Variants in CASP5 observed in about 807,000 individuals in gnomAD.
CASP5 encodes the protein caspase-5.
CASP5 carries 42 observed loss-of-function variants against 45.2 expected under a neutral mutation model. The observed-to-expected ratio is 0.93, with a 90% CI of 0.73 to 1.20. The LOEUF (loss-of-function observed/expected upper bound fraction) is 1.20. Among genes scored for constraint, CASP5 ranks in the 50% most tolerant of loss-of-function variants. The pLI is 0.00. For synonymous variants in CASP5, 209 were observed against 186.2 expected (o/e 1.12, Z -1.00); for missense variants, 512 against 532.2 (o/e 0.96, Z 0.37).
At chr11:104,994,384 T>C (rs1307082135) in intron 9 of CASP5, 37 bp from the exon 10 acceptor site, 4 of 152,242 alleles carry the variant, frequency 2.6e-5, no homozygotes, top group Non-Finnish European at 5.9e-5. Flanking sequence ...TCAAGATGGT[T>C]ACCCCTCACT....
chr11:104,997,283 C>T, intron 8 of CASP5, 100 bp downstream of exon 8: 1 of 857,936 alleles, frequency 1.2e-6, no homozygotes, highest in South Asian at 1.4e-5. Flanking sequence ...ACTACTTTTG[C>T]TTGCCTGAAA....
At chr11:105,012,403 G>A (rs1862393059) in intron 1 of CASP5, among the ~76,000 whole-genome samples, 1 of 151,558 alleles carries the variant, frequency 6.6e-6, no homozygotes, top group Non-Finnish European at 1.5e-5. Flanking sequence ...TAAAAATATG[G>A]GAAAAGAAAG....
At chr11:105,009,720 C>CATATATATATAT (rs199695891) in intron 1 of CASP5, among the ~76,000 whole-genome samples, 3 of 64,080 alleles carry the variant, frequency 4.7e-5, no homozygotes, top group East Asian at 4.1e-4. Context: ...TATATACACA[C>CATATATATATAT]ATATATATAT....
In CASP5 at chr11:104,996,456, T is replaced by C. The variant is rs528766426; in HGVS notation, c.1207-614A>G. Among the ~76,000 whole-genome samples, 4 of 152,340 alleles carry C rather than the reference T, an allele frequency of 2.6e-5. No homozygotes were observed. In the East Asian group the frequency reaches 7.7e-4, roughly 29 times the overall value. On this transcript the variant is annotated intron_variant, in intron 8 of 9. Coordinates refer to ENST00000260315, the MANE Select transcript of CASP5 (RefSeq NM_004347.5). ...TTCACAGAAACCCCATCTCAATTTA[T>C]GGTACAATCTTCTTTAAACACCAGT...
chr11:105,019,016 C>G (rs183940828), intron 1 of CASP5, among the ~76,000 whole-genome samples: 2 of 146,668 alleles, frequency 1.4e-5, no homozygotes, highest in Non-Finnish European at 3.0e-5. Context: ...CAAAACCACT[C>G]AACTACATGG....
chr11:105,018,161 C>A (rs372097846), intron 1 of CASP5, among the ~76,000 whole-genome samples: 1 of 151,646 alleles, frequency 6.6e-6, no homozygotes, highest in South Asian at 2.1e-4. Context: ...AGGAAGCACT[C>A]AACATGGAAA....
intron 4 of CASP5, 32 bp from the exon 5 acceptor site, chr11:105,002,233 T>A (rs756165224): frequency 6.2e-7 from 1 of 1,607,806 alleles, no homozygotes; most frequent in South Asian, 1.1e-5. Flanking sequence ...CAACTTTGAT[T>A]ACCCGAGTCT....
chr11:105,018,091 C>T (rs1862730958), intron 1 of CASP5, among the ~76,000 whole-genome samples: 1 of 151,540 alleles, frequency 6.6e-6, no homozygotes, highest in Non-Finnish European at 1.5e-5. Context: ...AAATACTTTA[C>T]AGACAAGCAA....
intron 9 of CASP5, 76 bp downstream of exon 9, chr11:104,995,657 AGTCAGCT>A: frequency 1.2e-6 from 1 of 804,608 alleles, no homozygotes; most frequent in Non-Finnish European, 2.1e-6. Context: ...CCATATAAGC[AGTCAGCT>A]GTCATTGGTC....
intron 1 of CASP5, among the ~76,000 whole-genome samples, chr11:105,015,407 T>G (rs925141944): frequency 2.6e-5 from 4 of 152,200 alleles, no homozygotes; most frequent in Non-Finnish European, 5.9e-5. Context: ...GAATTGAAGA[T>G]GCAGTGATAA....
At position 104,995,846 on chromosome 11, in the gene CASP5, A is replaced by C; in HGVS notation, c.1207-4T>G. On this transcript the variant is annotated splice_region_variant and splice_polypyrimidine_tract_variant and intron_variant, in intron 8 of 9. Transcript: ENST00000260315. Reference sequence around the variant, plus strand: ...GAACTTCAAATGATTTCTGTACCTAAAAGAAAAAACAGTAGATGAGATATG... The same window carrying C: ...GAACTTCAAATGATTTCTGTACCTACAAGAAAAAACAGTAGATGAGATATG... The C allele has an allele frequency of 6.3e-7, 1 of 1,599,524 alleles. No homozygotes were observed. The highest frequency in any genetic ancestry group is 8.6e-7 in the Non-Finnish European group (1 of 1,167,478).
intron 1 of CASP5, among the ~76,000 whole-genome samples, chr11:105,013,570 C>G (rs1862453119): frequency 6.6e-6 from 1 of 151,882 alleles, no homozygotes. Flanking sequence ...AAAAACAATT[C>G]AAGACATTTG....
At chr11:104,999,418 A>C (rs751238801) in intron 6 of CASP5, among the ~76,000 whole-genome samples, 1 of 152,184 alleles carries the variant, frequency 6.6e-6, no homozygotes, top group Non-Finnish European at 1.5e-5. Flanking sequence ...ATTCCATGGG[A>C]TATGTGTACC....
intron 2 of CASP5, 84 bp downstream of exon 2, chr11:105,008,723 G>A (rs774406316): frequency 3.3e-5 from 30 of 911,982 alleles, no homozygotes; most frequent in Admixed American, 1.5e-4. Context: ...AGGATAGGGG[G>A]ATCACAGAAG....
rs190010860 is a variant in CASP5, at chr11:105,020,718, A to T, written c.7+2412T>A. Among the ~76,000 whole-genome samples the T allele has an allele frequency of 4.7e-3, 709 of 152,300 alleles. 3 individuals carry two copies. The highest frequency in any genetic ancestry group is 7.5e-3 in the Non-Finnish European group (509 of 68,044). On this transcript the variant is annotated intron_variant, in intron 1 of 9. Coordinates refer to ENST00000260315, the MANE Select transcript of CASP5 (RefSeq NM_004347.5). Reference sequence around the variant, plus strand: ...GGGTAGGAAGAATCAATATCGTGAAAAATGGCCATACTGCCCAAGATAATT... The same window carrying T: ...GGGTAGGAAGAATCAATATCGTGAATAATGGCCATACTGCCCAAGATAATT...
At chr11:105,004,099 A>C (rs9651714) in intron 3 of CASP5, among the ~76,000 whole-genome samples, 19,016 of 152,122 alleles carry the variant, frequency 0.13, 1,249 homozygotes, top group African/African-American at 0.16. Context: ...ATTAATAATT[A>C]TTCTAGAAGA....
rs1350993690 is a variant in CASP5, at chr11:105,000,286, G to A, written c.927C>T (p.Val309=). The A allele has an allele frequency of 1.2e-6, 2 of 1,614,200 alleles. No homozygotes were observed. Among genetic ancestry groups the A allele is most frequent in the Non-Finnish European group, 8.5e-7 (1 of 1,180,028 alleles). ...NCLSLKDKPK[V]IIVQACRGEK... ...CACCTCTGCAGGCCTGGACAATGAT[G>A]ACCTTGGGTTTGTCCTTTAGACTGA... Residue 309 remains valine (V), a synonymous_variant, in exon 6 of 10, where the codon GTC becomes GTT. Coordinates refer to ENST00000260315, the MANE Select transcript of CASP5 (RefSeq NM_004347.5).
intron 1 of CASP5, among the ~76,000 whole-genome samples, chr11:105,014,384 G>A (rs1399534814): frequency 2.6e-5 from 4 of 151,944 alleles, no homozygotes; most frequent in African/African-American, 4.8e-5. Context: ...TCTCTTTAGG[G>A]TAGCATAGTT....
intron 1 of CASP5, among the ~76,000 whole-genome samples, chr11:105,010,054 A>G (rs955671714): frequency 2.4e-4 from 36 of 150,582 alleles, no homozygotes; most frequent in Non-Finnish European, 4.6e-4. Flanking sequence ...CTCTATAAAG[A>G]TCATTATCTA....
Sources: allele counts gnomAD v4.1 joint callset (sites outside exome capture counted in the v4.1 genomes callset), GRCh38; gene constraint gnomAD v4.1.1; transcripts MANE v1.5; gene names NCBI Gene and HGNC (gene_info 2026-07-23, HGNC 2026-07-21).